Variants in RBFOX1 observed in about 807,000 individuals in gnomAD.
The protein encoded by RBFOX1 is RNA binding protein fox-1 homolog 1.
In RBFOX1, 8 loss-of-function variants were observed where a neutral mutation model predicts 57.7. The ratio of observed to expected loss-of-function variants is 0.14; its 90% CI spans 0.08 to 0.25. The LOEUF is 0.25. RBFOX1 is among the 10% of genes least tolerant of loss of function. The pLI is 1.00. For synonymous variants in RBFOX1, 326 were observed against 222.4 expected, an observed-to-expected ratio of 1.47 and a Z score of -4.15; for missense variants, 611 against 548.5, an observed-to-expected ratio of 1.11 and a Z score of -1.14.
chr16:7,063,922 A>G (rs1394893521), intron 4 of RBFOX1, among the ~76,000 whole-genome samples: 2 of 152,198 alleles, frequency 1.3e-5, no homozygotes, highest in African/African-American at 4.8e-5. Flanking sequence ...TTATATCAGC[A>G]TCCATGGACT....
In RBFOX1 at chr16:7,287,968, C is replaced by G. The variant is rs375447345; in HGVS notation, c.28-230179C>G. 6.6e-5 allele frequency among the ~76,000 whole-genome samples: 10 copies of G among 152,240 alleles called. No individual in the cohort carries two copies. The East Asian group carries it at 9.7e-4, about 15-fold the overall frequency. ...CCCAAATGAAATGAGTGATGTGTGA[C>G]TGGCTGTTGAACGAAAAATCCAAAC... On this transcript the variant is annotated intron_variant, in intron 4 of 15. Transcript: ENST00000550418.
intron 3 of RBFOX1, among the ~76,000 whole-genome samples, chr16:6,894,754 C>T (rs2066346992): frequency 6.6e-6 from 1 of 152,092 alleles, no homozygotes; most frequent in South Asian, 2.1e-4. Flanking sequence ...CAGTTTAGTT[C>T]ATTTTTTTCT....
chr16:7,676,960 G>C, intron 14 of RBFOX1, 122 bp downstream of exon 14: 2 of 956,138 alleles, frequency 2.1e-6, no homozygotes, highest in Non-Finnish European at 3.3e-6. Flanking sequence ...CACCCCAAAA[G>C]TTAGGTCCCA....
intron 1 of RBFOX1, among the ~76,000 whole-genome samples, chr16:6,214,822 AG>A (rs1404620905): frequency 2.0e-5 from 1 of 49,298 alleles, no homozygotes; most frequent in Non-Finnish European, 3.7e-5. Context: ...AGAGGGGGAG[AG>A]GGGGAGAGGG....
At chr16:6,571,570 G>A (rs1161133135) in intron 2 of RBFOX1, among the ~76,000 whole-genome samples, 2 of 152,132 alleles carry the variant, frequency 1.3e-5, no homozygotes, top group African/African-American at 4.8e-5. Context: ...ATTTGATGGA[G>A]AACATCAAGG....
chr16:6,955,369 C>CAT, intron 3 of RBFOX1, among the ~76,000 whole-genome samples: 1 of 149,682 alleles, frequency 6.7e-6, no homozygotes, highest in Non-Finnish European at 1.5e-5. Flanking sequence ...CACACACACA[C>CAT]ACACGTGCAC....
intron 1 of RBFOX1, among the ~76,000 whole-genome samples, chr16:6,251,865 C>T (rs916533656): frequency 6.6e-6 from 1 of 152,094 alleles, no homozygotes; most frequent in African/African-American, 2.4e-5. Context: ...TAAACTTCCT[C>T]CTCTGTCCAG....
chr16:5,591,694 C>A (rs980346488), intron 2 of RBFOX1, among the ~76,000 whole-genome samples: 1 of 152,160 alleles, frequency 6.6e-6, no homozygotes, highest in Non-Finnish European at 1.5e-5. Context: ...GTTTTCTCCC[C>A]GTCATTCCAT....
chr16:5,348,853 G>A (rs1443789201), intron 1 of RBFOX1, among the ~76,000 whole-genome samples: 5 of 152,172 alleles, frequency 3.3e-5, no homozygotes, highest in African/African-American at 1.2e-4. Context: ...TATCTTCACT[G>A]TTGTGAATAG....
intron 11 of RBFOX1, among the ~76,000 whole-genome samples, chr16:7,635,398 C>T (rs1445159516): frequency 6.6e-6 from 1 of 152,170 alleles, no homozygotes; most frequent in African/African-American, 2.4e-5. Context: ...AACAGGTGCT[C>T]ATTGCAATCA....
At chr16:6,810,337 G>T (rs970214212) in intron 3 of RBFOX1, among the ~76,000 whole-genome samples, 7 of 152,102 alleles carry the variant, frequency 4.6e-5, no homozygotes, top group Non-Finnish European at 1.0e-4. Flanking sequence ...CCGTACAGGA[G>T]GCTTCCGTGC....
At chr16:5,654,342 C>A (rs935184138) in intron 3 of RBFOX1, among the ~76,000 whole-genome samples, 1 of 152,084 alleles carries the variant, frequency 6.6e-6, no homozygotes, top group Non-Finnish European at 1.5e-5. Context: ...AGATGTTAAG[C>A]CATTAAGCTG....
intron 3 of RBFOX1, among the ~76,000 whole-genome samples, chr16:6,797,961 A>T (rs964842813): frequency 2.6e-5 from 4 of 152,076 alleles, no homozygotes; most frequent in Admixed American, 2.6e-4. Flanking sequence ...GATGATGGTG[A>T]TCACGGTGAT....
intron 1 of RBFOX1, among the ~76,000 whole-genome samples, chr16:6,105,046 T>G (rs2096361995): frequency 6.6e-6 from 1 of 152,222 alleles, no homozygotes; most frequent in Admixed American, 6.5e-5. Context: ...CTTTGTCATT[T>G]TGTCTACCAA....
intron 3 of RBFOX1, among the ~76,000 whole-genome samples, chr16:6,942,318 C>T (rs903800879): frequency 2.0e-5 from 3 of 152,250 alleles, no homozygotes; most frequent in African/African-American, 7.2e-5. Context: ...CTGGCACACA[C>T]CACCACGCTC....
chr16:7,297,015 A>T (rs1469126976), intron 4 of RBFOX1, among the ~76,000 whole-genome samples: 1 of 152,160 alleles, frequency 6.6e-6, no homozygotes, highest in Non-Finnish European at 1.5e-5. Flanking sequence ...AGCTGGGTTG[A>T]AAGATCCCGT....
chr16:7,602,236 T>G (rs1188900299), intron 9 of RBFOX1, among the ~76,000 whole-genome samples: 1 of 152,202 alleles, frequency 6.6e-6, no homozygotes, highest in Non-Finnish European at 1.5e-5. Context: ...ACTTGACCTT[T>G]GACAAGCTAA....
chr16:6,005,295 T>C (rs2060673493), intron 4 of RBFOX1, among the ~76,000 whole-genome samples: 1 of 152,188 alleles, frequency 6.6e-6, no homozygotes, highest in Non-Finnish European at 1.5e-5. Flanking sequence ...AGGAACTCCA[T>C]TTCTTGGATA....
chr16:7,009,491 A>G (rs992621188), intron 3 of RBFOX1, among the ~76,000 whole-genome samples: 4 of 152,028 alleles, frequency 2.6e-5, no homozygotes, highest in Non-Finnish European at 5.9e-5. Flanking sequence ...CAAGCACAGG[A>G]GAAGATTAAT....
Sources: gnomAD v4.1 joint callset for allele counts (sites outside exome capture counted in the v4.1 genomes callset) on GRCh38, gnomAD v4.1.1 for gene constraint, MANE v1.5 for transcripts, NCBI Gene and HGNC (gene_info 2026-07-23, HGNC 2026-07-21) for gene names.